The following CERKL variants were observed in gnomAD, a reference collection of about 807,000 sequenced individuals.
CERKL encodes the protein CERK like autophagy regulator.
In CERKL, 61 loss-of-function variants were observed where a neutral mutation model predicts 63.4. The ratio of observed to expected loss-of-function variants is 0.96; its 90% CI spans 0.78 to 1.19. The LOEUF (loss-of-function observed/expected upper bound fraction) is 1.19. CERKL is among the 50% of genes most tolerant of loss of function. CERKL has a pLI of 0.00. For synonymous variants in CERKL, 250 were observed against 230.5 expected (o/e 1.08, Z -0.77); for missense variants, 675 against 655.5 (o/e 1.03, Z -0.33).
intron 2 of CERKL, among the ~76,000 whole-genome samples, chr2:181,580,083 C>G (rs1046509619): frequency 6.6e-6 from 1 of 151,822 alleles, no homozygotes; most frequent in African/African-American, 2.4e-5. Flanking sequence ...ATAAGTTTGT[C>G]TAGCTTAAAA....
At chr2:181,623,381 C>G (rs932588020) in intron 1 of CERKL, among the ~76,000 whole-genome samples, 1 of 152,128 alleles carries the variant, frequency 6.6e-6, no homozygotes, top group African/African-American at 2.4e-5. Flanking sequence ...GGTTTTATGT[C>G]AGCACATGAC....
At position 181,580,380 on chromosome 2, in the gene CERKL, T is replaced by C. The variant is rs1384823869; in HGVS notation, c.482-6496A>G. On this transcript the variant is annotated intron_variant, in intron 2 of 12. Coordinates refer to ENST00000410087, the MANE Select transcript of CERKL (RefSeq NM_201548.5). The stretch of plus-strand genomic sequence containing the variant: ...ACTATTGATTTCTATACCTAGCCCT[T>C]TCCTTAACTGCTTAATTGTAGGCCT... 4.7e-5 allele frequency among the ~76,000 whole-genome samples: 7 copies of C among 149,988 alleles called. 1 individual carries two copies. Among genetic ancestry groups the C allele is most frequent in the Admixed American group, 4.6e-4 (7 of 15,152 alleles).
At chr2:181,612,781 T>G (rs933196264) in intron 1 of CERKL, among the ~76,000 whole-genome samples, 2 of 152,112 alleles carry the variant, frequency 1.3e-5, no homozygotes, top group Admixed American at 6.5e-5. Flanking sequence ...ACAGTATAAT[T>G]GACCAATGAA....
intron 2 of CERKL, among the ~76,000 whole-genome samples, chr2:181,590,636 T>G (rs1684953955): frequency 6.6e-6 from 1 of 152,096 alleles, no homozygotes; most frequent in Non-Finnish European, 1.5e-5. Context: ...TGAAGATAAT[T>G]CACAAGATAT....
chr2:181,591,519 AG>A (rs1684989758), intron 2 of CERKL, among the ~76,000 whole-genome samples: 1 of 152,170 alleles, frequency 6.6e-6, no homozygotes, highest in South Asian at 2.1e-4. Context: ...CTTTCAGTCT[AG>A]GGGCCAAAAA....
chr2:181,619,414 A>G (rs1313951786), intron 1 of CERKL, among the ~76,000 whole-genome samples: 2 of 152,004 alleles, frequency 1.3e-5, no homozygotes, highest in South Asian at 2.1e-4. Flanking sequence ...CTTTGCACCA[A>G]TTCCTCCTGA....
intron 1 of CERKL, among the ~76,000 whole-genome samples, chr2:181,619,666 G>C (rs1686363839): frequency 6.6e-6 from 1 of 152,040 alleles, no homozygotes; most frequent in African/African-American, 2.4e-5. Context: ...CCTAGCACAT[G>C]GAAGGCTTTC....
At position 181,550,688 on chromosome 2, in the gene CERKL, CA is replaced by C. The variant is rs1687945233; in HGVS notation, c.821-981del. Among the ~76,000 whole-genome samples, 1 of 152,094 alleles carries C rather than the reference CA, an allele frequency of 6.6e-6. No homozygotes were observed. On this transcript the variant is annotated intron_variant, in intron 5 of 12. Coordinates refer to ENST00000410087, the MANE Select transcript of CERKL (RefSeq NM_201548.5). The surrounding 1 kb of genome is among the most constrained non-coding windows in gnomAD (Gnocchi z 4.5). ...CCTATGTGATCATACATAATTGCTT[CA>C]ATTTGTGTTACTTTGAACTGATATG...
chr2:181,599,931 A>C (rs1011409998), intron 2 of CERKL, among the ~76,000 whole-genome samples: 1 of 152,202 alleles, frequency 6.6e-6, no homozygotes, highest in Middle Eastern at 3.2e-3. Flanking sequence ...CCAAAGAAAA[A>C]ATATGAAAGG....
intron 1 of CERKL, among the ~76,000 whole-genome samples, chr2:181,634,844 AAC>A (rs895252174): frequency 2.6e-5 from 4 of 152,202 alleles, no homozygotes; most frequent in Non-Finnish European, 4.4e-5. Flanking sequence ...AATGTAAAGC[AAC>A]ACATAACTTA....
chr2:181,537,381 G>A lies in CERKL; in HGVS notation c.*803C>T, dbSNP rs200145292. On this transcript the variant is annotated 3_prime_UTR_variant, in exon 13 of 13. Coordinates refer to ENST00000410087, the MANE Select transcript of CERKL (RefSeq NM_201548.5). ...TACAAGGGGAACACAATTACATATT[G>A]GGCTAGATTTTGCCCAGTTCAAAAT... 2.0e-4 allele frequency: 92 copies of A among 453,404 alleles called. 1 individual carries two copies. Among genetic ancestry groups the A allele is most frequent in the South Asian group, 1.4e-3 (90 of 64,448 alleles). 28.1% of individuals were successfully genotyped at this position (453,404 alleles called of 1,614,324 possible).
chr2:181,631,558 AC>A (rs1414640703), intron 1 of CERKL, among the ~76,000 whole-genome samples: 1 of 149,304 alleles, frequency 6.7e-6, no homozygotes, highest in East Asian at 2.0e-4. Flanking sequence ...CCTCCACAGC[AC>A]CCCCCTTCAT....
chr2:181,557,289 G>C (rs1019562160), intron 5 of CERKL, among the ~76,000 whole-genome samples: 1 of 152,032 alleles, frequency 6.6e-6, no homozygotes, highest in Admixed American at 6.6e-5. Flanking sequence ...CATTGCTTTT[G>C]GTGTTTTAGA....
At chr2:181,566,303 A>C (rs971799661) in intron 3 of CERKL, among the ~76,000 whole-genome samples, 182 bp from the exon 4 acceptor site, 3 of 152,194 alleles carry the variant, frequency 2.0e-5, no homozygotes, top group Non-Finnish European at 4.4e-5. Flanking sequence ...CTGATGTTTT[A>C]TAGCTTTATG....
chr2:181,537,614 A>C lies in CERKL; in HGVS notation c.*570T>G. 2.3e-6 allele frequency: 1 copy of C among 430,846 alleles called. No individual in the cohort carries two copies. The highest frequency in any genetic ancestry group is 4.6e-6 in the Non-Finnish European group (1 of 219,194). The allele number at this position is 430,846 out of a possible 1,614,324, so 26.7% of individuals were successfully genotyped here. A position where few individuals can be genotyped will look rare whatever the true frequency, so the allele number is the denominator to read the frequency against. ...ATTTGTAACAGAATATAGGAAATTT[A>C]ACATAATTGATGAGCTCAAATCCTG... On this transcript the variant is annotated 3_prime_UTR_variant, in exon 13 of 13. Transcript: ENST00000410087.
rs1005130980 is a variant in CERKL at position 181,566,057 on chromosome 2, C to T, written c.677+1G>A. 1 of 1,581,608 alleles carries T rather than the reference C, an allele frequency of 6.3e-7. No homozygotes were observed. Among genetic ancestry groups the T allele is most frequent in the African/African-American group, 1.3e-5 (1 of 74,206 alleles). ...ATATATTGATTAATAATATAACCTA[C>T]CCATCAAATCCCTGGAGTTCACATT... On this transcript the variant is annotated splice_donor_variant, in intron 4 of 12. Coordinates refer to ENST00000410087, the MANE Select transcript of CERKL (RefSeq NM_201548.5). LOFTEE classifies it high-confidence loss of function.
At position 181,537,320 on chromosome 2, in the gene CERKL, C is replaced by CAGAGT. The variant is rs1213593300; in HGVS notation, c.*859_*863dup. 1 of 453,362 alleles carries CAGAGT rather than the reference C, an allele frequency of 2.2e-6. No homozygotes were observed. The highest frequency in any genetic ancestry group is 7.0e-5 in the East Asian group (1 of 14,302). 28.1% of individuals were successfully genotyped at this position (453,362 alleles called of 1,614,324 possible). On this transcript the variant is annotated 3_prime_UTR_variant, in exon 13 of 13. Coordinates refer to ENST00000410087, the MANE Select transcript of CERKL (RefSeq NM_201548.5). ...TCAGGTTATCTGAGCACAGTGAAAGCAGAGTACTATGGTTGTCCAACACAG... is the reference window on the plus strand; with the variant it reads ...TCAGGTTATCTGAGCACAGTGAAAGCAGAGTAGAGTACTATGGTTGTCCAACACAG...
intron 1 of CERKL, among the ~76,000 whole-genome samples, chr2:181,638,906 T>G (rs1687299679): frequency 6.6e-6 from 1 of 152,114 alleles, no homozygotes. Context: ...ATCAGAGTGA[T>G]GGCCATCCCA....
intron 1 of CERKL, among the ~76,000 whole-genome samples, chr2:181,622,261 C>A (rs1321096487): frequency 6.6e-6 from 1 of 152,192 alleles, no homozygotes; most frequent in Non-Finnish European, 1.5e-5. Flanking sequence ...AAGCCGCATG[C>A]TCTTTGCCCC....
Sources: allele counts gnomAD v4.1 joint callset (sites outside exome capture counted in the v4.1 genomes callset), GRCh38; gene constraint gnomAD v4.1.1; non-coding constraint Gnocchi (gnomAD v3.1); transcripts MANE v1.5; gene names NCBI Gene and HGNC (gene_info 2026-07-23, HGNC 2026-07-21).